COL19A1: variants seen among roughly 807,000 people sequenced by gnomAD.
COL19A1 encodes the protein collagen type XIX alpha 1 chain.
In COL19A1, 159 loss-of-function variants were observed where a neutral mutation model predicts 190.2. The observed-to-expected ratio is 0.84, with a 90% CI of 0.73 to 0.95. The LOEUF (loss-of-function observed/expected upper bound fraction) is 0.95, where lower values mean the gene tolerates loss of function less well. COL19A1 is among the 40% of genes least tolerant of loss of function. The pLI is 0.00. For synonymous variants in COL19A1, 509 were observed against 458.9 expected (o/e 1.11, Z -1.39); for missense variants, 1,418 against 1,431.9 (o/e 0.99, Z 0.16).
At chr6:70,165,157 A>G (rs1339537950) in intron 36 of COL19A1, among the ~76,000 whole-genome samples, 1 of 152,212 alleles carries the variant, frequency 6.6e-6, no homozygotes, top group Admixed American at 6.5e-5. Flanking sequence ...AAGCAGAGTT[A>G]TAGGAAGAAC....
At chr6:70,048,564 G>T (rs934313584) in intron 14 of COL19A1, among the ~76,000 whole-genome samples, 6 of 152,142 alleles carry the variant, frequency 3.9e-5, no homozygotes, top group African/African-American at 1.4e-4. Context: ...GATCGTTTGT[G>T]AATTGTGTAT....
chr6:69,926,327 AACTT>A (rs1772393079), intron 4 of COL19A1, among the ~76,000 whole-genome samples: 1 of 152,164 alleles, frequency 6.6e-6, no homozygotes, highest in Non-Finnish European at 1.5e-5. Flanking sequence ...CTAGACATTA[AACTT>A]ACTTAACAAT....
At chr6:69,981,851 AAT>A (rs1180063130) in intron 11 of COL19A1, among the ~76,000 whole-genome samples, 1 of 152,146 alleles carries the variant, frequency 6.6e-6, no homozygotes, top group Non-Finnish European at 1.5e-5. Flanking sequence ...TCTGTCCTAA[AAT>A]ATATGTTTCA....
Position 70,178,501 on chromosome 6 carries a change from G to A in COL19A1, c.2668-1811G>A, listed in dbSNP as rs752834402. On this transcript the variant is annotated intron_variant, in intron 42 of 50. Transcript: ENST00000620364. ...AGATTTTTATAACTGGCCCTTCTGC[G>A]GCTCAGAAGATAAAATAGTTAAAAG... Among the ~76,000 whole-genome samples the A allele has an allele frequency of 2.0e-5, 3 of 152,116 alleles. 1 individual carries two copies. The highest frequency in any genetic ancestry group is 4.1e-4 in the South Asian group (2 of 4,826).
intron 15 of COL19A1, among the ~76,000 whole-genome samples, chr6:70,071,640 C>T (rs1164560634): frequency 6.6e-6 from 1 of 151,972 alleles, no homozygotes; most frequent in Non-Finnish European, 1.5e-5. Flanking sequence ...GTCTTACATC[C>T]TTTATGGATT....
chr6:70,164,913 A>G (rs1055820053), intron 36 of COL19A1, among the ~76,000 whole-genome samples: 1 of 152,214 alleles, frequency 6.6e-6, no homozygotes, highest in African/African-American at 2.4e-5. Context: ...GTTTATTTTT[A>G]TTGATAAACA....
In COL19A1 at chr6:69,932,995, T is replaced by G. The variant is rs951246719; in HGVS notation, c.747+132T>G. The G allele has an allele frequency of 5.4e-5, 29 of 537,532 alleles. No homozygotes were observed. In the Middle Eastern group the frequency reaches 8.3e-4, roughly 15 times the overall value. 33.3% of individuals were successfully genotyped at this position (537,532 alleles called of 1,614,324 possible). ...AGCCAGGTGGGTAATTTATTCCTAG[T>G]AAGGAAGCATTCATAGTGCTTTCTC... On this transcript the variant is annotated intron_variant, in intron 7 of 50. Coordinates refer to ENST00000620364, the MANE Select transcript of COL19A1 (RefSeq NM_001858.6).
At chr6:69,925,219 G>A (rs1222049533) in intron 4 of COL19A1, among the ~76,000 whole-genome samples, 5 of 152,124 alleles carry the variant, frequency 3.3e-5, no homozygotes, top group African/African-American at 1.2e-4. Flanking sequence ...ATGGTTTGAG[G>A]TCTAACATTT....
chr6:70,043,453 A>G (rs1779739268), intron 14 of COL19A1, among the ~76,000 whole-genome samples: 1 of 152,044 alleles, frequency 6.6e-6, no homozygotes, highest in Non-Finnish European at 1.5e-5. Context: ...CGGCCTCCCA[A>G]AGTGCTGGGA....
Position 70,131,833 on chromosome 6 carries a change from T to G in COL19A1, c.1383+1610T>G, listed in dbSNP as rs1007112120. ...TTAGGAAACATATGTTACTTAGACATTCTTAAGACCTCACTGATGAGAAAT... is the reference window on the plus strand; with the variant it reads ...TTAGGAAACATATGTTACTTAGACAGTCTTAAGACCTCACTGATGAGAAAT... On this transcript the variant is annotated intron_variant, in intron 18 of 50. Coordinates refer to ENST00000620364, the MANE Select transcript of COL19A1 (RefSeq NM_001858.6). Among the ~76,000 whole-genome samples the G allele has an allele frequency of 8.6e-5, 13 of 152,046 alleles. 1 individual carries two copies. The South Asian group carries it at 2.7e-3, about 32-fold the overall frequency.
At chr6:70,049,134 C>A (rs1468413441) in intron 14 of COL19A1, among the ~76,000 whole-genome samples, 3 of 151,856 alleles carry the variant, frequency 2.0e-5, no homozygotes, top group Admixed American at 1.3e-4. Flanking sequence ...TATTTAGACA[C>A]TTTATGAGTT....
chr6:70,083,301 T>C (rs1187866071), intron 15 of COL19A1, among the ~76,000 whole-genome samples: 2 of 152,230 alleles, frequency 1.3e-5, no homozygotes, highest in Non-Finnish European at 2.9e-5. Flanking sequence ...ATGTGCCTTA[T>C]ACACACTTTA....
At chr6:70,113,805 C>G (rs867222423) in intron 16 of COL19A1, among the ~76,000 whole-genome samples, 2 of 148,286 alleles carry the variant, frequency 1.3e-5, no homozygotes, top group African/African-American at 5.0e-5. Flanking sequence ...CCATTCTGGT[C>G]ACTTTCCTCT....
Position 69,879,625 on chromosome 6 carries a change from G to A in COL19A1, c.58G>A (p.Ala20Thr). The change falls in exon 2 of 51, where the codon GCT becomes ACT. Residue 20 changes from alanine (A) to threonine (T), a missense_variant. Coordinates refer to ENST00000620364, the MANE Select transcript of COL19A1 (RefSeq NM_001858.6). ...WLWMSIFLLPASTSVTVRDKT... is the reference protein window; with the variant it reads ...WLWMSIFLLPTSTSVTVRDKT... ...TTGGATGTCAATATTTCTGCTTCCT[G>A]CTTCCACTTCCGTGACCGTTAGGGA... 2 of 1,613,920 alleles carry A rather than the reference G, an allele frequency of 1.2e-6. No individual in the cohort carries two copies. Among genetic ancestry groups the A allele is most frequent in the Non-Finnish European group, 1.7e-6 (2 of 1,179,996 alleles).
Position 70,035,885 on chromosome 6 carries a change from T to C in COL19A1, c.1135-19T>C. Reference sequence around the variant, plus strand: ...AAAGGGACTAGTGGTAATTGTAGCTTTTCTTTAATCTATTTTAGGGAGATA... The same window carrying C: ...AAAGGGACTAGTGGTAATTGTAGCTCTTCTTTAATCTATTTTAGGGAGATA... On this transcript the variant is annotated intron_variant, in intron 13 of 50. Coordinates refer to ENST00000620364, the MANE Select transcript of COL19A1 (RefSeq NM_001858.6). 6.2e-7 allele frequency: 1 copy of C among 1,610,574 alleles called. No individual in the cohort carries two copies. The highest frequency in any genetic ancestry group is 8.5e-7 in the Non-Finnish European group (1 of 1,177,204).
intron 14 of COL19A1, among the ~76,000 whole-genome samples, chr6:70,050,687 C>A (rs1175893889): frequency 6.6e-6 from 1 of 152,026 alleles, no homozygotes; most frequent in African/African-American, 2.4e-5. Context: ...TTCCAGCTAC[C>A]AAACCTAATT....
At chr6:70,090,821 G>A (rs1275370197) in intron 15 of COL19A1, among the ~76,000 whole-genome samples, 2 of 152,086 alleles carry the variant, frequency 1.3e-5, no homozygotes, top group South Asian at 2.1e-4. Flanking sequence ...ACAAGGCCCA[G>A]CCTAATCTGG....
At chr6:70,168,534 A>G (rs1348273948) in intron 39 of COL19A1, 121 bp from the exon 40 acceptor site, 19 of 825,686 alleles carry the variant, frequency 2.3e-5, no homozygotes, top group Non-Finnish European at 3.4e-5. Context: ...TTCAAACTGT[A>G]ATTAAAGCAA....
At chr6:70,129,713 T>A (rs952348921) in intron 17 of COL19A1, among the ~76,000 whole-genome samples, 3 of 152,158 alleles carry the variant, frequency 2.0e-5, no homozygotes, top group African/African-American at 7.2e-5. Context: ...TAAAATAAAA[T>A]AAGTGGTGCC....
Sources: allele counts gnomAD v4.1 joint callset (sites outside exome capture counted in the v4.1 genomes callset), GRCh38; gene constraint gnomAD v4.1.1; transcripts MANE v1.5; gene names NCBI Gene and HGNC (gene_info 2026-07-23, HGNC 2026-07-21).